COL15A1: variants seen among roughly 807,000 people sequenced by gnomAD.
The protein encoded by COL15A1 is collagen type XV alpha 1 chain.
Under a neutral mutation model 165.9 loss-of-function variants are expected in COL15A1, and 111 were observed. The observed-to-expected ratio is 0.67, with a 90% confidence interval of 0.57 to 0.78. COL15A1 has a LOEUF of 0.78. Among genes scored for constraint, COL15A1 ranks in the 30% least tolerant of loss-of-function variants. COL15A1 has a pLI of 0.00. For missense variants in COL15A1, 1,745 were observed against 1,789.7 expected (o/e 0.98, Z 0.45); for synonymous variants, 659 against 674.8 (o/e 0.98, Z 0.36).
At chr9:99,060,202 T>C (rs1237398434) in intron 36 of COL15A1, among the ~76,000 whole-genome samples, 1 of 149,956 alleles carries the variant, frequency 6.7e-6, no homozygotes, top group Non-Finnish European at 1.5e-5. Context: ...GACTAAGTTA[T>C]AACAAGAACC....
rs112566357 is a variant in COL15A1 at position 99,048,519 on chromosome 9, A to ATTTTG, written c.2793+544_2793+548dup. On this transcript the variant is annotated intron_variant, in intron 28 of 41. Transcript: ENST00000375001. ...TGTGTACCAGACACTGTGCAAAGTG[A>ATTTTG]TTTTGTTTTGTTTTGTTTTGTTTTG... is the stretch of plus-strand genomic sequence containing the variant. Among the ~76,000 whole-genome samples the ATTTTG allele has an allele frequency of 2.3e-3, 342 of 151,900 alleles. 2 individuals carry two copies. The highest frequency in any genetic ancestry group is 8.1e-3 in the South Asian group (39 of 4,808).
chr9:99,025,081 C>A, intron 15 of COL15A1, 82 bp downstream of exon 15: 2 of 1,261,952 alleles, frequency 1.6e-6, no homozygotes, highest in East Asian at 2.4e-5. Flanking sequence ...TTGCAAAACC[C>A]AGCACTGTCC....
chr9:99,000,795 C>G, intron 6 of COL15A1, 44 bp from the exon 7 acceptor site: 1 of 920,026 alleles, frequency 1.1e-6, no homozygotes, highest in Non-Finnish European at 1.8e-6. Context: ...TTTTCCAAGA[C>G]TGCAAAATGT....
At position 99,015,486 on chromosome 9, in the gene COL15A1, G is replaced by T. The variant is rs1564056722; in HGVS notation, c.1423G>T (p.Asp475Tyr). Residue 475 changes from aspartate (D) to tyrosine (Y), a missense_variant, in exon 10 of 42, where the codon GAT becomes TAT. Physicochemically the swap from Asp to Tyr is radical, Grantham distance 160. Coordinates refer to ENST00000375001, the MANE Select transcript of COL15A1 (RefSeq NM_001855.5). The stretch of plus-strand genomic sequence containing the variant: ...CGAAGTGTCCCTCAGTACTTTTGAG[G>T]ATGAGGAAGCCAGTGGGGTCCCCAC... ...ATEVSLSTFE[D>Y]EEASGVPTDG... 1.9e-6 allele frequency: 3 copies of T among 1,611,260 alleles called. No individual in the cohort carries two copies. Among genetic ancestry groups the T allele is most frequent in the Non-Finnish European group, 1.7e-6 (2 of 1,177,866 alleles).
intron 22 of COL15A1, 35 bp from the exon 23 acceptor site, chr9:99,040,486 C>CT (rs749216328): frequency 1.9e-6 from 3 of 1,614,146 alleles, no homozygotes; most frequent in Non-Finnish European, 2.5e-6. Flanking sequence ...AATGCCGCTC[C>CT]TAATCCAGCG....
At chr9:98,961,615 G>T (rs10988375) in intron 2 of COL15A1, among the ~76,000 whole-genome samples, 1 of 152,064 alleles carries the variant, frequency 6.6e-6, no homozygotes, top group Non-Finnish European at 1.5e-5. Context: ...ATGAAAGCAG[G>T]GCCTTCGCCC....
At chr9:98,991,308 G>T (rs1838425870) in intron 5 of COL15A1, among the ~76,000 whole-genome samples, 1 of 152,110 alleles carries the variant, frequency 6.6e-6, no homozygotes, top group Admixed American at 6.5e-5. Context: ...GAGCTAATTG[G>T]TCCACTTTAC....
intron 2 of COL15A1, among the ~76,000 whole-genome samples, chr9:98,984,662 G>A (rs1838280294): frequency 1.3e-5 from 2 of 152,210 alleles, no homozygotes; most frequent in African/African-American, 2.4e-5. Flanking sequence ...TGTCAAAGGC[G>A]ATGACAATGA....
At chr9:98,958,311 T>C (rs1473237580) in intron 2 of COL15A1, among the ~76,000 whole-genome samples, 4 of 152,208 alleles carry the variant, frequency 2.6e-5, no homozygotes, top group East Asian at 1.9e-4. Context: ...GTTCTGGCAG[T>C]TGGGGGCAGT....
intron 13 of COL15A1, among the ~76,000 whole-genome samples, chr9:99,023,006 G>C (rs781321465): frequency 6.6e-6 from 1 of 152,190 alleles, no homozygotes; most frequent in Non-Finnish European, 1.5e-5. Context: ...CTGAGACCTT[G>C]ACAGAGGCTA....
Position 99,056,274 on chromosome 9 carries a change from G to T in COL15A1, c.3207G>T (p.Glu1069Asp). 1 of 1,614,206 alleles carries T rather than the reference G, an allele frequency of 6.2e-7. No individual in the cohort carries two copies. Among genetic ancestry groups the T allele is most frequent in the South Asian group, 1.1e-5 (1 of 91,084 alleles). The change falls in exon 35 of 42, where the codon GAG (glutamate) becomes GAT (aspartate). Residue 1069 changes from glutamate to aspartate, a missense_variant. Transcript: ENST00000375001. The part of the protein sequence containing the change: ...GNPGPAGQKG[E>D]TVVGPQGPPG... The stretch of plus-strand genomic sequence containing the variant: ...TGCCTTGACAGGGCCAAAAAGGGGA[G>T]ACAGTCGTTGGGCCCCAAGGACCCC...
chr9:99,040,724 G>GCCCA (rs1339479532), intron 23 of COL15A1, 168 bp downstream of exon 23: 1 of 1,249,608 alleles, frequency 8.0e-7, no homozygotes, highest in Non-Finnish European at 1.1e-6. Flanking sequence ...TTGCCATGTT[G>GCCCA]CCCAGGCTGG....
chr9:99,033,299 A>G (rs1346497639), intron 16 of COL15A1, among the ~76,000 whole-genome samples: 3 of 150,692 alleles, frequency 2.0e-5, no homozygotes, highest in Non-Finnish European at 1.5e-5. Flanking sequence ...TTTCCTAGTC[A>G]TCTGGGGCTC....
chr9:98,985,774 G>T lies in COL15A1; in HGVS notation c.310G>T (p.Gly104Cys). The part of the protein sequence containing the change: ...SVVVKPSSTR[G>C]GVLFAITDAF... ...CGTGGTGAAGCCCAGCAGCACCCGTGGTGGCGTGCTCTTCGCCATCACTGA... is the reference window on the plus strand; with the variant it reads ...CGTGGTGAAGCCCAGCAGCACCCGTTGTGGCGTGCTCTTCGCCATCACTGA... Residue 104 changes from glycine (G) to cysteine (C), a missense_variant, in exon 3 of 42, where the codon GGT (glycine) becomes TGT (cysteine). Physicochemically the swap from Gly to Cys is radical, Grantham distance 159. Transcript: ENST00000375001. 1 of 1,614,086 alleles carries T rather than the reference G, an allele frequency of 6.2e-7. No individual in the cohort carries two copies. The highest frequency in any genetic ancestry group is 1.3e-5 in the African/African-American group (1 of 75,068).
intron 15 of COL15A1, among the ~76,000 whole-genome samples, chr9:99,025,502 A>C (rs1305885837): frequency 6.6e-6 from 1 of 152,230 alleles, no homozygotes; most frequent in African/African-American, 2.4e-5. Context: ...TTTTGGACTT[A>C]AGATATTTTC....
At chr9:98,965,765 C>T (rs181170535) in intron 2 of COL15A1, among the ~76,000 whole-genome samples, 2 of 152,356 alleles carry the variant, frequency 1.3e-5, no homozygotes, top group East Asian at 3.9e-4. Flanking sequence ...AGTGCTCCCT[C>T]TTTAAGCCCC....
intron 2 of COL15A1, among the ~76,000 whole-genome samples, chr9:98,956,336 C>T (rs1837775808): frequency 6.6e-6 from 1 of 151,942 alleles, no homozygotes; most frequent in Non-Finnish European, 1.5e-5. Context: ...AAACAAAAAA[C>T]AACAACAACC....
chr9:98,997,550 C>A (rs1483806269), intron 6 of COL15A1, among the ~76,000 whole-genome samples: 1 of 152,212 alleles, frequency 6.6e-6, no homozygotes, highest in Non-Finnish European at 1.5e-5. Context: ...AGTCCAGAGT[C>A]CCCACCCATT....
chr9:98,995,774 C>T (rs1180911119), intron 5 of COL15A1, among the ~76,000 whole-genome samples: 1 of 152,214 alleles, frequency 6.6e-6, no homozygotes, highest in Non-Finnish European at 1.5e-5. Flanking sequence ...CTCATCTGTA[C>T]TTACAGTGTT....
Sources: allele counts gnomAD v4.1 joint callset (sites outside exome capture counted in the v4.1 genomes callset), GRCh38; gene constraint gnomAD v4.1.1; transcripts MANE v1.5; gene names NCBI Gene and HGNC (gene_info 2026-07-23, HGNC 2026-07-21).